Variants in ADGRL1 observed in about 807,000 individuals in gnomAD.
ADGRL1 encodes the protein adhesion G protein-coupled receptor L1, also known as CIRL-1.
Under a neutral mutation model 148.9 loss-of-function variants are expected in ADGRL1, and 31 were observed. That is an observed-to-expected ratio of 0.21 (90% CI 0.16 to 0.28). The LOEUF (loss-of-function observed/expected upper bound fraction) is 0.28. Among genes scored for constraint, ADGRL1 ranks in the 10% least tolerant of loss-of-function variants. The pLI, the probability that ADGRL1 is intolerant of heterozygous loss-of-function variation, is 1.00. For missense variants in ADGRL1, 1,521 were observed against 2,058.8 expected, an observed-to-expected ratio of 0.74 and a Z score of 5.05; for synonymous variants, 937 against 900.3, an observed-to-expected ratio of 1.04 and a Z score of -0.73.
intron 1 of ADGRL1, among the ~76,000 whole-genome samples, chr19:14,202,409 C>T (rs112721202): frequency 5.9e-5 from 9 of 152,190 alleles, no homozygotes; most frequent in Non-Finnish European, 1.2e-4. Context: ...CACACCACCA[C>T]GCCTGGCTAA....
intron 1 of ADGRL1, among the ~76,000 whole-genome samples, chr19:14,198,781 T>C (rs1413028536): frequency 6.6e-6 from 1 of 152,030 alleles, no homozygotes. Context: ...CCCTCCACCA[T>C]ACCCCTCCTC....
At chr19:14,156,846 CCT>C in intron 15 of ADGRL1, 77 bp downstream of exon 15, 1 of 1,545,854 alleles carries the variant, frequency 6.5e-7, no homozygotes, top group African/African-American at 1.4e-5. Context: ...GGACTACCGC[CCT>C]GAGGGTCCTG....
intron 1 of ADGRL1, among the ~76,000 whole-genome samples, chr19:14,190,670 C>T (rs1434824122): frequency 1.3e-5 from 2 of 152,228 alleles, no homozygotes; most frequent in Admixed American, 6.5e-5. Context: ...TCTGCTTCTA[C>T]GAGTTCAATT....
At chr19:14,174,626 C>T (rs1291196414) in intron 3 of ADGRL1, among the ~76,000 whole-genome samples, 2 of 151,212 alleles carry the variant, frequency 1.3e-5, no homozygotes, top group Non-Finnish European at 2.9e-5. Flanking sequence ...ACCTCTGCCT[C>T]CAAGGTTCAA....
rs1347698212 is a variant in ADGRL1, at chr19:14,158,419, CTG to C, written c.2281_2282del (p.Gln761GlyfsTer35). 1 of 1,613,800 alleles carries C rather than the reference CTG, an allele frequency of 6.2e-7. No homozygotes were observed. Among genetic ancestry groups the C allele is most frequent in the Non-Finnish European group, 8.5e-7 (1 of 1,180,044 alleles). On this transcript the variant is annotated frameshift_variant, in exon 12 of 23. Transcript: ENST00000361434. LOFTEE classifies it high-confidence loss of function. ...CCTTGTTGATGGATGCTGCGATGAC[CTG>C]TGAGTTCACCACTAGAGAGGCGCCC... is the stretch of plus-strand genomic sequence containing the variant. ...PGGASLVVNS[Q>X]VIAASINKES...
At chr19:14,177,442 A>G (rs1158614355) in intron 3 of ADGRL1, 89 bp downstream of exon 3, 1 of 1,251,712 alleles carries the variant, frequency 8.0e-7, no homozygotes, top group South Asian at 1.3e-5. Context: ...TGCATAAAAA[A>G]AAGATGTAAG....
chr19:14,170,490 G>A (rs972581802), intron 4 of ADGRL1, 192 bp downstream of exon 4: 18 of 523,090 alleles, frequency 3.4e-5, no homozygotes, highest in Non-Finnish European at 4.9e-5. Flanking sequence ...TCTGTGAGGC[G>A]GGGGAGCAGG....
Position 14,161,850 on chromosome 19 carries a change from T to C in ADGRL1, c.1196-224A>G, listed in dbSNP as rs949560707. On this transcript the variant is annotated intron_variant, in intron 5 of 22. Transcript: ENST00000361434. The surrounding 1 kb of genome is among the most constrained non-coding windows in gnomAD (Gnocchi z 4.4). ...ATAAAGTAGCAAAGAGTGGTAAAAA[T>C]CCACGATGTGTACCATAAGGTCTGA... Among the ~76,000 whole-genome samples, 2 of 152,024 alleles carry C rather than the reference T, an allele frequency of 1.3e-5. No homozygotes were observed. Among genetic ancestry groups the C allele is most frequent in the Non-Finnish European group, 2.9e-5 (2 of 68,010 alleles).
In ADGRL1 at chr19:14,152,202, A is replaced by G; in HGVS notation, c.3650-52T>C. 1 of 1,614,074 alleles carries G rather than the reference A, an allele frequency of 6.2e-7. No individual in the cohort carries two copies. Among genetic ancestry groups the G allele is most frequent in the Non-Finnish European group, 8.5e-7 (1 of 1,179,998 alleles). The stretch of plus-strand genomic sequence containing the variant: ...GAGAAAAGGCAAGGATGAGCTCGAA[A>G]TGCAAGTCCAGGCTCCAGTTCTGGG... On this transcript the variant is annotated intron_variant, in intron 21 of 22. Coordinates refer to ENST00000361434, the MANE Select transcript of ADGRL1 (RefSeq NM_014921.5). This position sits in a 1 kb window ranked among gnomAD's most constrained non-coding sequence, Gnocchi z 6.1.
chr19:14,158,246 C>G lies in ADGRL1; in HGVS notation c.2364+92G>C, dbSNP rs1968968791. ...AAAGTGGAAGAACCCATAACTTGTTCTGGAGGTGAGCACATGGAGGGGCAG... is the reference window on the plus strand; with the variant it reads ...AAAGTGGAAGAACCCATAACTTGTTGTGGAGGTGAGCACATGGAGGGGCAG... On this transcript the variant is annotated intron_variant, in intron 12 of 22. Transcript: ENST00000361434. 1.6e-5 allele frequency: 22 copies of G among 1,373,368 alleles called. No homozygotes were observed. The South Asian group carries it at 2.1e-4, about 13-fold the overall frequency. 85.1% of individuals were successfully genotyped at this position (1,373,368 alleles called of 1,614,324 possible). A position where few individuals can be genotyped will look rare whatever the true frequency, so the allele number is the denominator to read the frequency against.
rs1432371685 is a variant in ADGRL1, at chr19:14,163,204, G to A, written c.597C>T (p.Thr199=). ...CATCCACGCGGTTGGGCAGGCGGTA[G>A]GTGGTGGTGTGGCGGGCGGCCACGT... ...EDYVAARHTT[T]YRLPNRVDGT... Residue 199 remains threonine (T), a synonymous_variant, in exon 5 of 23, where the codon ACC becomes ACT. Transcript: ENST00000361434. The A allele has an allele frequency of 1.9e-6, 3 of 1,614,072 alleles. No homozygotes were observed. The highest frequency in any genetic ancestry group is 1.3e-5 in the African/African-American group (1 of 75,072).
At position 14,206,108 on chromosome 19, in the gene ADGRL1, C is replaced by A. The variant is rs1280636131; in HGVS notation, c.-219G>T. On this transcript the variant is annotated 5_prime_UTR_variant, in exon 1 of 23. Transcript: ENST00000361434. ...GGGAAGCGGGTAGGAGGTGGCGGGA[C>A]GAGGGCGGCCTCCGTGTCCCTTCCT... is the stretch of plus-strand genomic sequence containing the variant. 2 of 150,590 alleles carry A rather than the reference C, an allele frequency of 1.3e-5. No homozygotes were observed. The highest frequency in any genetic ancestry group is 6.6e-5 in the Admixed American group (1 of 15,176). The allele number at this position is 150,590 out of a possible 1,614,324, so 9.3% of individuals were successfully genotyped here. A position where few individuals can be genotyped will look rare whatever the true frequency, so the allele number is the denominator to read the frequency against.
intron 4 of ADGRL1, among the ~76,000 whole-genome samples, chr19:14,165,866 G>T (rs1186470296): frequency 6.6e-6 from 1 of 152,050 alleles, no homozygotes; most frequent in Non-Finnish European, 1.5e-5. Context: ...AAGGCAAAAG[G>T]GATCCCTAAA....
intron 2 of ADGRL1, among the ~76,000 whole-genome samples, 175 bp from the exon 3 acceptor site, chr19:14,177,919 AG>A (rs1458484262): frequency 3.3e-5 from 5 of 152,178 alleles, no homozygotes; most frequent in Non-Finnish European, 7.4e-5. Flanking sequence ...TTGTGTAGTG[AG>A]GACATTAACC....
chr19:14,189,415 A>G (rs1265711696), intron 1 of ADGRL1, among the ~76,000 whole-genome samples: 3 of 152,098 alleles, frequency 2.0e-5, no homozygotes, highest in African/African-American at 4.8e-5. Flanking sequence ...TTTTTTGTAG[A>G]GGCAGGATTT....
chr19:14,154,271 G>A lies in ADGRL1; in HGVS notation c.3294+1088C>T, dbSNP rs138127416. ...TGCAACCAGGATTCTCATGATCACTGCCTCTGCCATCCCCTGCCTTAAGCC... is the reference window on the plus strand; with the variant it reads ...TGCAACCAGGATTCTCATGATCACTACCTCTGCCATCCCCTGCCTTAAGCC... On this transcript the variant is annotated intron_variant, in intron 18 of 22. Transcript: ENST00000361434. 3.3e-5 allele frequency among the ~76,000 whole-genome samples: 5 copies of A among 152,232 alleles called. No homozygotes were observed. In the East Asian group the frequency reaches 9.7e-4, roughly 29 times the overall value.
rs138641423 is a variant in ADGRL1, at chr19:14,156,933, G to C, written c.2958C>G (p.Thr986=). 2 of 1,610,304 alleles carry C rather than the reference G, an allele frequency of 1.2e-6. No individual in the cohort carries two copies. The highest frequency in any genetic ancestry group is 2.7e-5 in the African/African-American group (2 of 74,938). Residue 986 remains threonine (T), a synonymous_variant, in exon 15 of 23, where the codon ACC becomes ACG. Coordinates refer to ENST00000361434, the MANE Select transcript of ADGRL1 (RefSeq NM_014921.5). ...GGGAGGTGGAAACTCACGCCTTCTC[G>C]GTGCCGTAGCTGCGGTAGTCAATGG... ...AAAIDYRSYG[T]EKACWLRVDN... is the part of the protein sequence containing the mutation.
chr19:14,163,498 G>GAGAGAGAGAGA lies in ADGRL1; in HGVS notation c.395-93_395-92insTCTCTCTCTCT, dbSNP rs1491250499. 11 of 948,832 alleles carry GAGAGAGAGAGA rather than the reference G, an allele frequency of 1.2e-5. No individual in the cohort carries two copies. In the African/African-American group the frequency reaches 1.6e-4, roughly 14 times the overall value. The allele number at this position is 948,832 out of a possible 1,614,324, so 58.8% of individuals were successfully genotyped here. ...AGAGAGAGAGAGAGAGAGAGAGAGA[G>GAGAGAGAGAGA]GGGGGAGAGAGGCAAGTTGGTCACG... On this transcript the variant is annotated intron_variant, in intron 4 of 22. Coordinates refer to ENST00000361434, the MANE Select transcript of ADGRL1 (RefSeq NM_014921.5).
In ADGRL1 at chr19:14,177,964, G is replaced by A. The variant is rs148705958; in HGVS notation, c.71-220C>T. Among the ~76,000 whole-genome samples, 1,334 of 152,300 alleles carry A rather than the reference G, an allele frequency of 8.8e-3. 22 individuals are homozygous for A. The highest frequency in any genetic ancestry group is 0.031 in the African/African-American group (1,281 of 41,570). ...AGAGTGCCTGGACTCTCAGCTCCTAGGAAGTGACGTCTGAGCCTTTGGAAT... is the reference window on the plus strand; with the variant it reads ...AGAGTGCCTGGACTCTCAGCTCCTAAGAAGTGACGTCTGAGCCTTTGGAAT... On this transcript the variant is annotated intron_variant, in intron 2 of 22. Transcript: ENST00000361434.
Sources: gnomAD v4.1 joint callset for allele counts (sites outside exome capture counted in the v4.1 genomes callset) on GRCh38, gnomAD v4.1.1 for gene constraint, Gnocchi (gnomAD v3.1) non-coding constraint, MANE v1.5 for transcripts, NCBI Gene and HGNC (gene_info 2026-07-23, HGNC 2026-07-21) for gene names.